PIAS2: variants seen among roughly 807,000 people sequenced by gnomAD.
PIAS2 encodes the protein E3 SUMO-protein ligase PIAS2.
Under a neutral mutation model 69.7 loss-of-function variants are expected in PIAS2, and 19 were observed. The observed-to-expected ratio is 0.27, with a 90% CI of 0.19 to 0.40. The LOEUF is 0.40. PIAS2 is among the 10% of genes least tolerant of loss of function. The probability of loss-of-function intolerance (pLI) is 1.00; values close to 1 mark genes in which losing one functional copy is unlikely to be tolerated. For synonymous variants in PIAS2, 261 were observed against 263.2 expected (o/e 0.99, Z 0.08); for missense variants, 624 against 757.0 (o/e 0.82, Z 2.06).
At chr18:46,827,898 T>A in intron 11 of PIAS2, 61 bp downstream of exon 11, 1 of 1,373,494 alleles carries the variant, frequency 7.3e-7, no homozygotes, top group Non-Finnish European at 1.0e-6. Flanking sequence ...CATTTATAAA[T>A]CTATCCAAGA....
intron 1 of PIAS2, among the ~76,000 whole-genome samples, chr18:46,897,264 C>G (rs902398362): frequency 2.0e-5 from 3 of 152,144 alleles, no homozygotes; most frequent in Non-Finnish European, 4.4e-5. Context: ...GGAACCCAGA[C>G]TCCTTGGGGA....
intron 2 of PIAS2, among the ~76,000 whole-genome samples, chr18:46,868,421 C>T (rs1449419530): frequency 6.6e-6 from 1 of 152,124 alleles, no homozygotes; most frequent in African/African-American, 2.4e-5. Flanking sequence ...CTCTCCCTGC[C>T]GAAACTACCC....
intron 1 of PIAS2, among the ~76,000 whole-genome samples, chr18:46,900,323 A>C (rs1350161724): frequency 6.6e-6 from 1 of 151,940 alleles, no homozygotes; most frequent in Non-Finnish European, 1.5e-5. Context: ...AGATCACGCC[A>C]CTGCACTCCA....
chr18:46,911,180 G>A (rs1014466282), intron 1 of PIAS2, among the ~76,000 whole-genome samples: 2 of 150,624 alleles, frequency 1.3e-5, no homozygotes, highest in Admixed American at 1.3e-4. Context: ...ACTTCAATGA[G>A]CTTTCCTCAT....
At chr18:46,861,441 C>G (rs957274853) in intron 3 of PIAS2, among the ~76,000 whole-genome samples, 4 of 152,178 alleles carry the variant, frequency 2.6e-5, no homozygotes, top group African/African-American at 9.7e-5. Flanking sequence ...AAACAGAATA[C>G]TAGGTGCCTA....
intron 2 of PIAS2, among the ~76,000 whole-genome samples, chr18:46,883,378 CAAAG>C (rs937485236): frequency 3.3e-5 from 5 of 152,082 alleles, no homozygotes; most frequent in African/African-American, 1.2e-4. Context: ...AAACAGCGAA[CAAAG>C]AGTCACAGAA....
intron 8 of PIAS2, among the ~76,000 whole-genome samples, chr18:46,841,767 A>G (rs2045425889): frequency 6.6e-6 from 1 of 152,208 alleles, no homozygotes; most frequent in South Asian, 2.1e-4. Context: ...AGAAAAAAAC[A>G]TTTCAGAAAC....
intron 2 of PIAS2, among the ~76,000 whole-genome samples, chr18:46,871,844 A>G (rs1480431825): frequency 6.6e-6 from 1 of 152,236 alleles, no homozygotes; most frequent in African/African-American, 2.4e-5. Context: ...TTAGGAAGAC[A>G]TTTAATGCTA....
At chr18:46,858,182 A>T (rs1172743405) in intron 3 of PIAS2, among the ~76,000 whole-genome samples, 1 of 151,860 alleles carries the variant, frequency 6.6e-6, no homozygotes, top group Non-Finnish European at 1.5e-5. Context: ...AAGCCTAGTC[A>T]GAGTACAGGT....
chr18:46,885,978 G>T (rs1229442891), intron 2 of PIAS2, among the ~76,000 whole-genome samples: 1 of 152,182 alleles, frequency 6.6e-6, no homozygotes, highest in African/African-American at 2.4e-5. Flanking sequence ...GTGATGAACA[G>T]AGCAAAGTAA....
At chr18:46,868,912 A>G (rs2145675999) in intron 2 of PIAS2, among the ~76,000 whole-genome samples, 1 of 152,318 alleles carries the variant, frequency 6.6e-6, no homozygotes, top group South Asian at 2.1e-4. Context: ...CATGATGAAT[A>G]AACCTGGACT....
intron 2 of PIAS2, among the ~76,000 whole-genome samples, chr18:46,884,777 C>T (rs573955411): frequency 1.3e-5 from 2 of 151,960 alleles, no homozygotes; most frequent in East Asian, 2.0e-4. Flanking sequence ...ATTAGCCGGG[C>T]GTGGTGGCAC....
At chr18:46,877,855 G>A (rs1021984507) in intron 2 of PIAS2, among the ~76,000 whole-genome samples, 10 of 152,052 alleles carry the variant, frequency 6.6e-5, no homozygotes, top group African/African-American at 2.2e-4. Context: ...TTATGACTCC[G>A]AGCTCTTGTT....
Position 46,816,668 on chromosome 18 carries a change from A to G in PIAS2, c.1649-1319T>C, listed in dbSNP as rs58444784. On this transcript the variant is annotated intron_variant, in intron 12 of 13. Transcript: ENST00000585916. ...TTTTTTGTAGAGAGAGGGTCTCGCT[A>G]TGTTGCCTAGGTTGGTTTTGAACTC... 5.9e-3 allele frequency: 1,743 copies of G among 296,898 alleles called. 34 individuals carry two copies. Among genetic ancestry groups the G allele is most frequent in the African/African-American group, 0.038 (1,659 of 43,946 alleles). The allele number at this position is 296,898 out of a possible 1,614,324, so 18.4% of individuals were successfully genotyped here. A position where few individuals can be genotyped will look rare whatever the true frequency, so the allele number is the denominator to read the frequency against.
rs912981938 is a variant in PIAS2 at position 46,808,802 on chromosome 18, A to G, written c.*3631T>C. ...GAAAATAAAAATGTTTACTAAAGAA[A>G]GAATGGTCCGGCTAAGTGCTTTTTT... On this transcript the variant is annotated 3_prime_UTR_variant, in exon 14 of 14. Coordinates refer to ENST00000585916, the MANE Select transcript of PIAS2 (RefSeq NM_004671.5). 4 of 151,892 alleles carry G rather than the reference A, an allele frequency of 2.6e-5. No individual in the cohort carries two copies. The highest frequency in any genetic ancestry group is 5.9e-5 in the Non-Finnish European group (4 of 67,964). The allele number at this position is 151,892 out of a possible 1,614,324, so 9.4% of individuals were successfully genotyped here.
At chr18:46,820,251 C>T (rs1425740297) in intron 12 of PIAS2, among the ~76,000 whole-genome samples, 1 of 152,108 alleles carries the variant, frequency 6.6e-6, no homozygotes, top group Non-Finnish European at 1.5e-5. Flanking sequence ...GTGATGCCAG[C>T]ATATTGTTAT....
At position 46,883,211 on chromosome 18, in the gene PIAS2, G is replaced by A. The variant is rs1338841640; in HGVS notation, c.499+7369C>T. ...CTGAGCAATGAATGAGATTACGAAG[G>A]ACTGTCCCTTTCTTATGATTTTTGA... On this transcript the variant is annotated intron_variant, in intron 2 of 13. Coordinates refer to ENST00000585916, the MANE Select transcript of PIAS2 (RefSeq NM_004671.5). Among the ~76,000 whole-genome samples the A allele has an allele frequency of 2.0e-5, 3 of 151,924 alleles. No individual in the cohort carries two copies. The East Asian group carries it at 5.8e-4, about 29-fold the overall frequency.
rs926419167 is a variant in PIAS2 at position 46,809,855 on chromosome 18, G to A, written c.*2578C>T. The A allele has an allele frequency of 1.3e-5, 2 of 151,988 alleles. No homozygotes were observed. Among genetic ancestry groups the A allele is most frequent in the East Asian group, 3.9e-4 (2 of 5,192 alleles). 9.4% of individuals were successfully genotyped at this position (151,988 alleles called of 1,614,324 possible). A position where few individuals can be genotyped will look rare whatever the true frequency, so the allele number is the denominator to read the frequency against. On this transcript the variant is annotated 3_prime_UTR_variant, in exon 14 of 14. Coordinates refer to ENST00000585916, the MANE Select transcript of PIAS2 (RefSeq NM_004671.5). Reference sequence around the variant, plus strand: ...ACTGGTTGGCTGACAGAATCTAGGTGACAGCTAAGATCACCCCTCTGAAAC... The same window carrying A: ...ACTGGTTGGCTGACAGAATCTAGGTAACAGCTAAGATCACCCCTCTGAAAC...
At chr18:46,863,742 C>T (rs1812792053) in intron 3 of PIAS2, among the ~76,000 whole-genome samples, 1 of 152,142 alleles carries the variant, frequency 6.6e-6, no homozygotes. Context: ...GTATACTACC[C>T]TTTCATGAGA....
Sources: gnomAD v4.1 joint callset for allele counts (sites outside exome capture counted in the v4.1 genomes callset) on GRCh38, gnomAD v4.1.1 for gene constraint, MANE v1.5 for transcripts, NCBI Gene and HGNC (gene_info 2026-07-23, HGNC 2026-07-21) for gene names.